RSRC1: variants seen among roughly 807,000 people sequenced by gnomAD.
RSRC1 encodes the protein arginine and serine rich coiled-coil 1, also known as serine/Arginine-related protein 53.
In RSRC1, 39 loss-of-function variants were observed where a neutral mutation model predicts 49.1. The observed-to-expected ratio is 0.79, with a 90% CI of 0.61 to 1.04. The LOEUF is 1.04. RSRC1 is among the 50% of genes least tolerant of loss of function. The pLI is 0.00. For synonymous variants in RSRC1, 143 were observed against 130.8 expected, an observed-to-expected ratio of 1.09 and a Z score of -0.63; for missense variants, 388 against 402.4, an observed-to-expected ratio of 0.96 and a Z score of 0.31.
intron 5 of RSRC1, among the ~76,000 whole-genome samples, chr3:158,311,223 A>G (rs1018105225): frequency 6.6e-6 from 1 of 151,910 alleles, no homozygotes; most frequent in African/African-American, 2.4e-5. Context: ...CTTACCTACC[A>G]TATTAAACTA....
chr3:158,176,010 GACAA>G (rs1421680331), intron 3 of RSRC1, among the ~76,000 whole-genome samples: 3 of 152,036 alleles, frequency 2.0e-5, no homozygotes, highest in Non-Finnish European at 2.9e-5. Context: ...ACCGATAACA[GACAA>G]ACAGAGAGCC....
chr3:158,397,979 G>A (rs566736335), intron 6 of RSRC1, among the ~76,000 whole-genome samples: 2 of 152,198 alleles, frequency 1.3e-5, no homozygotes, highest in East Asian at 1.9e-4. Flanking sequence ...TTGTGATACC[G>A]TGAGGTTGGG....
chr3:158,281,020 G>T (rs1726124362), intron 4 of RSRC1, among the ~76,000 whole-genome samples: 1 of 152,182 alleles, frequency 6.6e-6, no homozygotes, highest in Admixed American at 6.5e-5. Context: ...AACGGCAGAA[G>T]TGGTTAAAAT....
chr3:158,525,747 TG>T (rs1381545040), intron 7 of RSRC1, among the ~76,000 whole-genome samples: 3 of 151,942 alleles, frequency 2.0e-5, no homozygotes, highest in African/African-American at 7.2e-5. Context: ...CCCAACAACA[TG>T]GATTTATCTC....
At chr3:158,340,176 A>G (rs1315606155) in intron 5 of RSRC1, among the ~76,000 whole-genome samples, 3 of 152,126 alleles carry the variant, frequency 2.0e-5, no homozygotes, top group Non-Finnish European at 4.4e-5. Flanking sequence ...TATTCTCGTG[A>G]TAGTGAATAA....
intron 7 of RSRC1, among the ~76,000 whole-genome samples, chr3:158,506,540 C>T (rs1171045154): frequency 6.6e-6 from 1 of 151,784 alleles, no homozygotes; most frequent in African/African-American, 2.4e-5. Flanking sequence ...GAAAAGAAGA[C>T]GACATATAAA....
At chr3:158,117,875 G>T (rs1183857751) in intron 1 of RSRC1, among the ~76,000 whole-genome samples, 3 of 144,336 alleles carry the variant, frequency 2.1e-5, no homozygotes, top group Non-Finnish European at 2.9e-5. Flanking sequence ...TAAAATGTCT[G>T]TCTCTTTTTC....
intron 7 of RSRC1, among the ~76,000 whole-genome samples, chr3:158,487,317 G>A (rs1246323740): frequency 3.9e-5 from 6 of 152,050 alleles, no homozygotes; most frequent in Admixed American, 2.0e-4. Context: ...CATGATTTCC[G>A]ATCAGAATAT....
chr3:158,228,683 G>C (rs972988004), intron 4 of RSRC1, among the ~76,000 whole-genome samples: 3 of 91,964 alleles, frequency 3.3e-5, no homozygotes, highest in East Asian at 8.4e-4. Context: ...ACTTATTTTT[G>C]TGCTGATAAC....
At chr3:158,283,058 A>G (rs751301046) in intron 4 of RSRC1, among the ~76,000 whole-genome samples, 2 of 152,200 alleles carry the variant, frequency 1.3e-5, no homozygotes, top group African/African-American at 2.4e-5. Context: ...CCATCTCTAA[A>G]TTGAATTCAT....
intron 6 of RSRC1, among the ~76,000 whole-genome samples, chr3:158,409,573 C>T (rs185076289): frequency 1.8e-4 from 27 of 152,240 alleles, no homozygotes; most frequent in Admixed American, 7.2e-4. Flanking sequence ...AAAGTGAGCT[C>T]CCTAAAAGCA....
intron 4 of RSRC1, among the ~76,000 whole-genome samples, chr3:158,257,730 C>G (rs1415023597): frequency 6.6e-6 from 1 of 151,942 alleles, no homozygotes; most frequent in Non-Finnish European, 1.5e-5. Context: ...TTCTTCTTTC[C>G]TGTCTTTCTT....
At chr3:158,133,256 T>G (rs1198027513) in intron 3 of RSRC1, among the ~76,000 whole-genome samples, 1 of 152,196 alleles carries the variant, frequency 6.6e-6, no homozygotes, top group East Asian at 1.9e-4. Context: ...CCAGTTGATT[T>G]TCTATTTTTA....
At chr3:158,421,496 T>G (rs913384945) in intron 6 of RSRC1, among the ~76,000 whole-genome samples, 2 of 151,760 alleles carry the variant, frequency 1.3e-5, no homozygotes, top group African/African-American at 4.8e-5. Flanking sequence ...AGTGAAAGAT[T>G]CTGATGGACT....
chr3:158,366,059 T>C (rs1731750430), intron 6 of RSRC1, among the ~76,000 whole-genome samples: 1 of 152,218 alleles, frequency 6.6e-6, no homozygotes, highest in African/African-American at 2.4e-5. Context: ...CTTTGCCAGA[T>C]GGGTAGATTG....
chr3:158,470,321 AACACACACACACACAC>A (rs375305594), intron 7 of RSRC1, among the ~76,000 whole-genome samples: 16 of 136,896 alleles, frequency 1.2e-4, no homozygotes, highest in Admixed American at 3.0e-4. Flanking sequence ...TGCTCTTAGA[AACACACACACACACAC>A]ACACACACAC....
intron 7 of RSRC1, among the ~76,000 whole-genome samples, chr3:158,501,950 T>A (rs1368160232): frequency 6.6e-6 from 1 of 152,182 alleles, no homozygotes. Context: ...ACTTGTATTT[T>A]TGTGTTATAG....
At chr3:158,131,519 C>T (rs952676259) in intron 3 of RSRC1, among the ~76,000 whole-genome samples, 12 of 152,166 alleles carry the variant, frequency 7.9e-5, no homozygotes, top group Non-Finnish European at 1.5e-4. Context: ...ATACCCAAAA[C>T]ACCCATTGTG....
At chr3:158,203,284 A>AT in intron 4 of RSRC1, 39 bp downstream of exon 4, 1 of 1,528,586 alleles carries the variant, frequency 6.5e-7, no homozygotes, top group Non-Finnish European at 8.8e-7. Context: ...GGACTTGGTG[A>AT]TTCCATGGCG....
Sources: gnomAD v4.1 joint callset for allele counts (sites outside exome capture counted in the v4.1 genomes callset) on GRCh38, gnomAD v4.1.1 for gene constraint, MANE v1.5 for transcripts, NCBI Gene and HGNC (gene_info 2026-07-23, HGNC 2026-07-21) for gene names.